TXNRD3: variants seen among roughly 807,000 people sequenced by gnomAD.
TXNRD3 encodes the protein TXNRD3 neighbor gene protein.
TXNRD3 carries 68 observed loss-of-function variants against 78.2 expected under a neutral mutation model. That is an observed-to-expected ratio of 0.87 (90% confidence interval 0.72 to 1.06). The LOEUF (loss-of-function observed/expected upper bound fraction) is 1.06, where lower values mean the gene tolerates loss of function less well. TXNRD3 is among the 50% of genes least tolerant of loss of function. TXNRD3 has a pLI of 0.00. For synonymous variants in TXNRD3, 296 were observed against 300.1 expected (o/e 0.99, Z 0.14); for missense variants, 751 against 809.5 (o/e 0.93, Z 0.88).
At chr3:126,640,471 T>A (rs1412927725) in intron 6 of TXNRD3, among the ~76,000 whole-genome samples, 2 of 152,114 alleles carry the variant, frequency 1.3e-5, no homozygotes, top group Non-Finnish European at 2.9e-5. Context: ...CTTCCTGTAT[T>A]CTTTCCTCTC....
intron 13 of TXNRD3, among the ~76,000 whole-genome samples, chr3:126,614,207 A>G (rs1156932845): frequency 6.6e-6 from 1 of 152,248 alleles, no homozygotes; most frequent in Non-Finnish European, 1.5e-5. Context: ...CTTTAAAAAA[A>G]TACTAACAGA....
intron 13 of TXNRD3, among the ~76,000 whole-genome samples, chr3:126,613,016 C>T (rs2107609710): frequency 6.6e-6 from 1 of 152,260 alleles, no homozygotes; most frequent in South Asian, 2.1e-4. Flanking sequence ...GCACTGCAGC[C>T]ATGTGATAAC....
rs1938296214 is a variant in TXNRD3, at chr3:126,615,449, TTAATA to T, written c.1533_1537del (p.Tyr511Ter). ...AGGAGTAAACACTGTAGTCGGAACA[TTAATA>T]TAATCACACTGAAAGACAAACAAAT... On this transcript the variant is annotated stop_gained and frameshift_variant, in exon 13 of 16. Coordinates refer to ENST00000524230, the MANE Select transcript of TXNRD3 (RefSeq NM_052883.3). LOFTEE classifies it high-confidence loss of function. 1 of 1,491,740 alleles carries T rather than the reference TTAATA, an allele frequency of 6.7e-7. No homozygotes were observed. The highest frequency in any genetic ancestry group is 2.4e-5 in the Admixed American group (1 of 42,056). 92.4% of individuals were successfully genotyped at this position (1,491,740 alleles called of 1,614,324 possible). A position where few individuals can be genotyped will look rare whatever the true frequency, so the allele number is the denominator to read the frequency against.
intron 14 of TXNRD3, among the ~76,000 whole-genome samples, chr3:126,609,419 G>C (rs925817355): frequency 4.6e-5 from 7 of 152,186 alleles, no homozygotes; most frequent in African/African-American, 1.7e-4. Flanking sequence ...GAAGCTGCCA[G>C]GGCTGGGACT....
At position 126,629,417 on chromosome 3, in the gene TXNRD3, T is replaced by C; in HGVS notation, c.1252A>G (p.Thr418Ala). Residue 418 changes from threonine to alanine, a missense_variant, in exon 10 of 16, where the codon ACT becomes GCT. Thr to Ala is a moderately conservative substitution (Grantham distance 58). Transcript: ENST00000524230. ...CCTTCAATTGTTTCTGTTCCTTCAGTGGATTTAGCCAACACTTTCAGCTTT... is the reference window on the plus strand; with the variant it reads ...CCTTCAATTGTTTCTGTTCCTTCAGCGGATTTAGCCAACACTTTCAGCTTT... 2 of 1,535,640 alleles carry C rather than the reference T, an allele frequency of 1.3e-6. No homozygotes were observed. Among genetic ancestry groups the C allele is most frequent in the African/African-American group, 1.4e-5 (1 of 73,158 alleles).
chr3:126,621,938 T>G, intron 11 of TXNRD3, 40 bp from the exon 12 acceptor site: 2 of 1,447,378 alleles, frequency 1.4e-6, no homozygotes, highest in South Asian at 1.5e-5. Context: ...ATATTACAAC[T>G]CACTCTACAC....
chr3:126,621,984 A>G (rs1559772599), intron 11 of TXNRD3, 86 bp from the exon 12 acceptor site: 31 of 1,136,958 alleles, frequency 2.7e-5, no homozygotes, highest in Non-Finnish European at 2.9e-5. Flanking sequence ...AAAAGACTAA[A>G]TACATAGAAG....
In TXNRD3 at chr3:126,607,841, C is replaced by T. The variant is rs1938084390; in HGVS notation, c.*64G>A. The stretch of plus-strand genomic sequence containing the variant: ...TGTCATGAGCACAGGCTCATTTTAT[C>T]CGAGAGCATTCTTATCTTTGAGAGA... On this transcript the variant is annotated 3_prime_UTR_variant, in exon 16 of 16. Coordinates refer to ENST00000524230, the MANE Select transcript of TXNRD3 (RefSeq NM_052883.3). 7.3e-7 allele frequency: 1 copy of T among 1,367,044 alleles called. No homozygotes were observed. The highest frequency in any genetic ancestry group is 2.1e-5 in the Admixed American group (1 of 47,662). The allele number at this position is 1,367,044 out of a possible 1,614,324, so 84.7% of individuals were successfully genotyped here.
intron 3 of TXNRD3, 30 bp downstream of exon 3, chr3:126,646,081 G>T: frequency 6.9e-7 from 1 of 1,445,834 alleles, no homozygotes; most frequent in Non-Finnish European, 9.2e-7. Flanking sequence ...TGAACAAACA[G>T]CATTGAAGAA....
chr3:126,641,958 T>C, intron 6 of TXNRD3, 74 bp downstream of exon 6: 1 of 1,411,402 alleles, frequency 7.1e-7, no homozygotes, highest in Non-Finnish European at 9.3e-7. Flanking sequence ...TATAAAAATA[T>C]GAATACCAAG....
rs554477974 is a variant in TXNRD3 at position 126,646,152 on chromosome 3, C to T, written c.373G>A (p.Val125Met). 5.4e-5 allele frequency: 83 copies of T among 1,533,564 alleles called. No individual in the cohort carries two copies. Among genetic ancestry groups the T allele is most frequent in the East Asian group, 4.4e-4 (18 of 40,694 alleles). 95.0% of individuals were successfully genotyped at this position (1,533,564 alleles called of 1,614,324 possible). Residue 125 changes from valine to methionine, a missense_variant, in exon 3 of 16, where the codon GTG (valine) becomes ATG (methionine). Transcript: ENST00000524230. ...CATCCACCTACATGCACTTTATTCACGAAAATATTGGGCACAGTTTTCTGA... is the reference window on the plus strand; with the variant it reads ...CATCCACCTACATGCACTTTATTCATGAAAATATTGGGCACAGTTTTCTGA...
chr3:126,608,001 T>C, intron 15 of TXNRD3, 28 bp from the exon 16 acceptor site: 1 of 1,428,536 alleles, frequency 7.0e-7, no homozygotes, highest in Non-Finnish European at 9.4e-7. Context: ...AACAAATACA[T>C]ATTTAGATGT....
At position 126,646,099 on chromosome 3, in the gene TXNRD3, T is replaced by C. The variant is rs1272289414; in HGVS notation, c.414+12A>G. 5.3e-6 allele frequency: 8 copies of C among 1,501,538 alleles called. No homozygotes were observed. The highest frequency in any genetic ancestry group is 2.2e-5 in the Admixed American group (1 of 45,414). The allele number at this position is 1,501,538 out of a possible 1,614,324, so 93.0% of individuals were successfully genotyped here. ...ACAAACAGCATTGAAGAACATATAA[T>C]AGTATTATTACCTGGAAAGTTTGGT... is the stretch of plus-strand genomic sequence containing the variant. On this transcript the variant is annotated intron_variant, in intron 3 of 15. Coordinates refer to ENST00000524230, the MANE Select transcript of TXNRD3 (RefSeq NM_052883.3).
chr3:126,650,384 T>C (rs1243559924), intron 1 of TXNRD3, among the ~76,000 whole-genome samples: 2 of 128,002 alleles, frequency 1.6e-5, no homozygotes, highest in African/African-American at 2.7e-5. Flanking sequence ...GGCTCACACC[T>C]GTAATCCCAG....
chr3:126,619,800 C>A (rs956587225), intron 12 of TXNRD3, among the ~76,000 whole-genome samples: 5 of 152,112 alleles, frequency 3.3e-5, no homozygotes, highest in African/African-American at 1.2e-4. Flanking sequence ...ACATTGTATA[C>A]GTGTATCAAA....
rs78367287 is a variant in TXNRD3 at position 126,644,282 on chromosome 3, T to C, written c.519+15A>G. The C allele has an allele frequency of 2.0e-3, 3,033 of 1,530,872 alleles. 9 individuals carry two copies. The highest frequency in any genetic ancestry group is 0.011 in the East Asian group (430 of 40,892). 94.8% of individuals were successfully genotyped at this position (1,530,872 alleles called of 1,614,324 possible). On this transcript the variant is annotated intron_variant, in intron 4 of 15. Coordinates refer to ENST00000524230, the MANE Select transcript of TXNRD3 (RefSeq NM_052883.3). ...TCAGGAAAATTATCTACGAGTTTCA[T>C]TTCTATATTCATACCTTCGCACATG...
intron 5 of TXNRD3, 54 bp downstream of exon 5, chr3:126,643,927 A>G (rs1374633108): frequency 1.4e-6 from 2 of 1,453,880 alleles, no homozygotes; most frequent in Admixed American, 2.3e-5. Context: ...AGATTACATA[A>G]AGCAAACAAC....
At chr3:126,649,093 T>C (rs1024394353) in intron 1 of TXNRD3, among the ~76,000 whole-genome samples, 1 of 152,160 alleles carries the variant, frequency 6.6e-6, no homozygotes, top group African/African-American at 2.4e-5. Flanking sequence ...AAATCACATA[T>C]ATGATAAGGG....
At position 126,621,764 on chromosome 3, in the gene TXNRD3, A is replaced by G. The variant is rs769474552; in HGVS notation, c.1502T>C (p.Leu501Pro). ...TACCTTTTCTAAAGAGGCCCCAAAA[A>G]GTCTCTGAGCTAGCAGCTTGCCTGA... Residue 501 changes from leucine (L) to proline (P), a missense_variant, in exon 12 of 16, where the codon CTT becomes CCT. Leu to Pro is a moderately conservative substitution (Grantham distance 98). Transcript: ENST00000524230. 1 of 1,515,974 alleles carries G rather than the reference A, an allele frequency of 6.6e-7. No individual in the cohort carries two copies. 93.9% of individuals were successfully genotyped at this position (1,515,974 alleles called of 1,614,324 possible). A position where few individuals can be genotyped will look rare whatever the true frequency, so the allele number is the denominator to read the frequency against.
Sources: gnomAD v4.1 joint callset for allele counts (sites outside exome capture counted in the v4.1 genomes callset) on GRCh38, gnomAD v4.1.1 for gene constraint, MANE v1.5 for transcripts, NCBI Gene and HGNC (gene_info 2026-07-23, HGNC 2026-07-21) for gene names.